Variants in PCDHA6 observed in about 807,000 individuals in gnomAD.
PCDHA6 encodes protocadherin alpha-6.
In PCDHA6, 55 loss-of-function variants were observed where a neutral mutation model predicts 60.3. The ratio of observed to expected loss-of-function variants is 0.91; its 90% CI spans 0.73 to 1.14. The LOEUF is 1.14. Ranked by LOEUF, PCDHA6 falls within the 50% of genes most tolerant of loss-of-function variation. The pLI, the probability that PCDHA6 is intolerant of heterozygous loss-of-function variation, is 0.00. For synonymous variants in PCDHA6, 652 were observed against 557.9 expected, an observed-to-expected ratio of 1.17 and a Z score of -2.38; for missense variants, 1,327 against 1,256.5, an observed-to-expected ratio of 1.06 and a Z score of -0.85.
chr5:140,938,957 C>T (rs1435245997), intron 1 of PCDHA6, among the ~76,000 whole-genome samples: 2 of 152,040 alleles, frequency 1.3e-5, no homozygotes, highest in African/African-American at 2.4e-5. Context: ...ATGCTCTAGT[C>T]GGAGTTTGGC....
intron 1 of PCDHA6, among the ~76,000 whole-genome samples, chr5:140,838,763 C>A (rs1486404457): frequency 6.6e-6 from 1 of 151,830 alleles, no homozygotes; most frequent in Non-Finnish European, 1.5e-5. Context: ...TTTGTAGAGA[C>A]TTTGTAAAAT....
At chr5:140,858,877 T>C (rs1192816588) in intron 1 of PCDHA6, 1 of 245,498 alleles carries the variant, frequency 4.1e-6, no homozygotes, top group Non-Finnish European at 7.9e-6. Context: ...TGTGTTTTCC[T>C]CCATGTGTAG....
chr5:140,921,203 G>A (rs782776779), intron 1 of PCDHA6, among the ~76,000 whole-genome samples: 22 of 151,476 alleles, frequency 1.5e-4, no homozygotes, highest in Non-Finnish European at 2.7e-4. Context: ...GATTGACAAC[G>A]ATAATTCACG....
At chr5:140,870,826 G>T (rs781804523) in intron 1 of PCDHA6, 16 of 1,613,638 alleles carry the variant, frequency 9.9e-6, no homozygotes, top group Non-Finnish European at 1.3e-5. Context: ...CGCGGGAGGC[G>T]CAGTTAACAA....
intron 3 of PCDHA6, among the ~76,000 whole-genome samples, chr5:141,000,351 G>GTC: frequency 1.5e-5 from 1 of 66,852 alleles, no homozygotes; most frequent in Non-Finnish European, 2.9e-5. Flanking sequence ...CTCTCTCTCT[G>GTC]TCTCTCTCTG....
At chr5:140,831,833 A>G (rs2150197532) in intron 1 of PCDHA6, among the ~76,000 whole-genome samples, 10 of 152,180 alleles carry the variant, frequency 6.6e-5, no homozygotes, top group Non-Finnish European at 7.3e-5. Context: ...ACTAGTTTCA[A>G]TGATAGAATT....
intron 1 of PCDHA6, among the ~76,000 whole-genome samples, chr5:140,952,915 G>GGCATGA (rs2094816103): frequency 6.6e-6 from 1 of 151,986 alleles, no homozygotes; most frequent in African/African-American, 2.4e-5. Flanking sequence ...CATCTTACAT[G>GGCATGA]GCATGAGCAG....
intron 1 of PCDHA6, among the ~76,000 whole-genome samples, chr5:140,964,843 T>C (rs1229980696): frequency 6.6e-6 from 1 of 152,162 alleles, no homozygotes; most frequent in African/African-American, 2.4e-5. Flanking sequence ...TCCTACTCTG[T>C]ACCCTTGAGG....
At chr5:140,869,764 G>A (rs1554163420) in intron 1 of PCDHA6, 4 of 1,613,244 alleles carry the variant, frequency 2.5e-6, no homozygotes, top group East Asian at 4.5e-5. Context: ...GGGAAAACCA[G>A]AGCTTACTGG....
chr5:140,925,330 A>G (rs1459062876), intron 1 of PCDHA6, among the ~76,000 whole-genome samples: 2 of 152,132 alleles, frequency 1.3e-5, no homozygotes, highest in African/African-American at 4.8e-5. Context: ...CCTGTATTAA[A>G]AGAAGGATTT....
intron 1 of PCDHA6, among the ~76,000 whole-genome samples, chr5:140,969,915 GC>G (rs1181399848): frequency 2.0e-5 from 3 of 152,192 alleles, no homozygotes; most frequent in African/African-American, 7.2e-5. Flanking sequence ...AAGTGATAAA[GC>G]TGTAGTATTT....
At chr5:141,001,253 C>T (rs896546841) in intron 3 of PCDHA6, among the ~76,000 whole-genome samples, 22 of 152,078 alleles carry the variant, frequency 1.4e-4, no homozygotes, top group African/African-American at 5.1e-4. Flanking sequence ...CCCTATGGGG[C>T]GGGCACTCTT....
At chr5:140,867,055 T>C (rs1177939308) in intron 1 of PCDHA6, 3 of 152,170 alleles carry the variant, frequency 2.0e-5, no homozygotes, top group African/African-American at 7.2e-5. Flanking sequence ...TGTTCAGTAC[T>C]ACTTTATATA....
chr5:140,877,222 T>A lies in PCDHA6; in HGVS notation c.2394+46737T>A, dbSNP rs199811254. On this transcript the variant is annotated intron_variant, in intron 1 of 3. Coordinates refer to ENST00000529310, the MANE Select transcript of PCDHA6 (RefSeq NM_018909.4). ...CGCAGTTAGCGAGTTGGTACCGCGG[T>A]CGGTGGGTGCGGGCCACGTGGTGGC... The A allele has an allele frequency of 2.3e-4, 370 of 1,613,680 alleles. 1 individual carries two copies. The highest frequency in any genetic ancestry group is 3.0e-4 in the Admixed American group (18 of 59,992).
chr5:140,950,738 T>C (rs900517873), intron 1 of PCDHA6, among the ~76,000 whole-genome samples: 5 of 152,150 alleles, frequency 3.3e-5, no homozygotes, highest in African/African-American at 7.2e-5. Flanking sequence ...TTAATCCTAA[T>C]TTCTCTCTAT....
chr5:140,859,463 A>C (rs1189832254), intron 1 of PCDHA6: 1 of 215,224 alleles, frequency 4.6e-6, no homozygotes, highest in African/African-American at 2.3e-5. Context: ...ACAAAACTAC[A>C]CTATCAATTG....
chr5:140,999,693 AT>A (rs202183337), intron 3 of PCDHA6, among the ~76,000 whole-genome samples: 13 of 151,522 alleles, frequency 8.6e-5, no homozygotes, highest in African/African-American at 2.4e-4. Flanking sequence ...AAGAAATGTG[AT>A]TTTTTTTTAG....
rs139390480 is a variant in PCDHA6, at chr5:140,856,945, A to T, written c.2394+26460A>T. ...AATTTTGGATAAACGAAAGGACGGGAGAAATAAAAGTAAATGATGCTATTG... is the reference window on the plus strand; with the variant it reads ...AATTTTGGATAAACGAAAGGACGGGTGAAATAAAAGTAAATGATGCTATTG... On this transcript the variant is annotated intron_variant, in intron 1 of 3. Transcript: ENST00000529310. The T allele has an allele frequency of 3.8e-6, 6 of 1,593,208 alleles. No individual in the cohort carries two copies. The highest frequency in any genetic ancestry group is 5.2e-6 in the Non-Finnish European group (6 of 1,163,192).
At chr5:140,884,667 G>A (rs1304262646) in intron 1 of PCDHA6, 4 of 1,568,684 alleles carry the variant, frequency 2.5e-6, no homozygotes, top group Non-Finnish European at 2.6e-6. Context: ...AAAGAGGTAA[G>A]CTTATATTTT....
Sources: allele counts gnomAD v4.1 joint callset (sites outside exome capture counted in the v4.1 genomes callset), GRCh38; gene constraint gnomAD v4.1.1; transcripts MANE v1.5; gene names NCBI Gene and HGNC (gene_info 2026-07-23, HGNC 2026-07-21).